PDE3A: variants seen among roughly 807,000 people sequenced by gnomAD.
PDE3A encodes phosphodiesterase 3A, also known as cGMP-inhibited 3',5'-cyclic phosphodiesterase 3A.
In PDE3A, 43 loss-of-function variants were observed where a neutral mutation model predicts 98.3. The observed-to-expected ratio is 0.44, with a 90% CI of 0.34 to 0.56. The LOEUF is 0.56. Ranked by LOEUF, PDE3A falls within the 20% of genes least tolerant of loss-of-function variation. The pLI, the probability that PDE3A is intolerant of heterozygous loss-of-function variation, is 0.01. For missense variants in PDE3A, 1,427 were observed against 1,440.7 expected (o/e 0.99, Z 0.15); for synonymous variants, 663 against 567.9 (o/e 1.17, Z -2.38).
chr12:20,664,365 TTC>T (rs1945254963), intron 15 of PDE3A, among the ~76,000 whole-genome samples: 1 of 152,176 alleles, frequency 6.6e-6, no homozygotes, highest in South Asian at 2.1e-4. Flanking sequence ...TTAAATGATA[TTC>T]TGGTTGCTTG....
At chr12:20,634,827 T>C (rs570178772) in intron 7 of PDE3A, 75 bp from the exon 8 acceptor site, 1 of 1,019,534 alleles carries the variant, frequency 9.8e-7, no homozygotes. Context: ...CATATGCATC[T>C]TAGCAAAATT....
chr12:20,602,646 A>G (rs1943619099), intron 2 of PDE3A, among the ~76,000 whole-genome samples: 1 of 152,194 alleles, frequency 6.6e-6, no homozygotes, highest in African/African-American at 2.4e-5. Context: ...CATGTTGGGA[A>G]GCAGTTTGAT....
chr12:20,579,334 GTTC>G lies in PDE3A; in HGVS notation c.1011+22629_1011+22631del, dbSNP rs559574154. Among the ~76,000 whole-genome samples the G allele has an allele frequency of 6.0e-4, 92 of 152,170 alleles. 5 individuals are homozygous for G. The South Asian group carries it at 0.018, about 31-fold the overall frequency. The stretch of plus-strand genomic sequence containing the variant: ...CATTTTTAGCTCAGTGCCCTTCCCA[GTTC>G]TTCTCCTATTTAAGAAGGGAAAGCA... On this transcript the variant is annotated intron_variant, in intron 2 of 15. Coordinates refer to ENST00000359062, the MANE Select transcript of PDE3A (RefSeq NM_000921.5).
intron 5 of PDE3A, among the ~76,000 whole-genome samples, chr12:20,622,636 T>A (rs1412739820): frequency 6.6e-6 from 1 of 152,128 alleles, no homozygotes; most frequent in African/African-American, 2.4e-5. Context: ...AGGCAAATAC[T>A]TAAATTGAGA....
intron 1 of PDE3A, among the ~76,000 whole-genome samples, chr12:20,481,764 A>ATTTTTTTTTTTTTTTTTTTTTTTTTTT (rs10657239): frequency 1.3e-5 from 1 of 79,584 alleles, no homozygotes; most frequent in African/African-American, 5.2e-5. Context: ...TGGGAAATAG[A>ATTTTTTTTTTTTTTTTTTTTTTTTTTT]TTTTTTTTTT....
At chr12:20,449,396 T>C (rs1452892233) in intron 1 of PDE3A, among the ~76,000 whole-genome samples, 1 of 152,226 alleles carries the variant, frequency 6.6e-6, no homozygotes, top group African/African-American at 2.4e-5. Context: ...GTTTGTTTCA[T>C]TTACAGACAT....
At chr12:20,525,063 C>T (rs1005733813) in intron 1 of PDE3A, among the ~76,000 whole-genome samples, 2 of 151,916 alleles carry the variant, frequency 1.3e-5, no homozygotes, top group Non-Finnish European at 2.9e-5. Flanking sequence ...ACCCAGGAGG[C>T]GGAGGTTGTG....
chr12:20,433,604 CAAGTT>C (rs1466248264), intron 1 of PDE3A, among the ~76,000 whole-genome samples: 1 of 151,936 alleles, frequency 6.6e-6, no homozygotes, highest in African/African-American at 2.4e-5. Context: ...ATTCAAGACT[CAAGTT>C]AACTTTTAAT....
rs559540133 is a variant in PDE3A at position 20,598,628 on chromosome 12, A to G, written c.1012-14815A>G. Among the ~76,000 whole-genome samples the G allele has an allele frequency of 6.6e-5, 10 of 152,352 alleles. 1 individual carries two copies. The highest frequency in any genetic ancestry group is 1.2e-4 in the African/African-American group (5 of 41,588). The stretch of plus-strand genomic sequence containing the variant: ...ACATTTTCTTAGTTGGTCAGACACA[A>G]TATAGATTTTATTAACTCACAAGTG... On this transcript the variant is annotated intron_variant, in intron 2 of 15. Coordinates refer to ENST00000359062, the MANE Select transcript of PDE3A (RefSeq NM_000921.5).
intron 2 of PDE3A, among the ~76,000 whole-genome samples, chr12:20,558,191 C>T (rs1402031467): frequency 6.9e-6 from 1 of 144,146 alleles, no homozygotes; most frequent in Non-Finnish European, 1.5e-5. Context: ...GTCACTATGT[C>T]AATATAAATT....
chr12:20,576,225 T>A (rs1942930492), intron 2 of PDE3A, among the ~76,000 whole-genome samples: 1 of 152,082 alleles, frequency 6.6e-6, no homozygotes, highest in Non-Finnish European at 1.5e-5. Context: ...ATAAAATGAA[T>A]ACTATTGAGA....
chr12:20,644,338 A>T (rs574513129), intron 10 of PDE3A, among the ~76,000 whole-genome samples: 2 of 152,318 alleles, frequency 1.3e-5, no homozygotes, highest in South Asian at 2.1e-4. Flanking sequence ...TGTTTACACA[A>T]ATTACAAATT....
chr12:20,562,307 G>A (rs976794216), intron 2 of PDE3A, among the ~76,000 whole-genome samples: 1 of 145,528 alleles, frequency 6.9e-6, no homozygotes, highest in African/African-American at 2.5e-5. Flanking sequence ...CGCAACCTCT[G>A]CCTCCCTGGT....
At chr12:20,666,003 A>T (rs1280371205) in intron 15 of PDE3A, among the ~76,000 whole-genome samples, 1 of 122,612 alleles carries the variant, frequency 8.2e-6, no homozygotes, top group Non-Finnish European at 1.6e-5. Flanking sequence ...TCAGTCTGTC[A>T]CCCAGTCTGG....
intron 12 of PDE3A, among the ~76,000 whole-genome samples, chr12:20,647,813 C>A (rs1052475256): frequency 1.3e-5 from 2 of 152,012 alleles, no homozygotes; most frequent in South Asian, 4.2e-4. Flanking sequence ...GTCTTTCATA[C>A]ACCAGAATTA....
rs562986540 is a variant in PDE3A at position 20,399,185 on chromosome 12, A to G, written c.960+28941A>G. The stretch of plus-strand genomic sequence containing the variant: ...TTTTAAGGCTGAATAATATTCCATT[A>G]TATACGTATGCCATATTTTGTTTAT... On this transcript the variant is annotated intron_variant, in intron 1 of 15. Transcript: ENST00000359062. Among the ~76,000 whole-genome samples the G allele has an allele frequency of 3.6e-4, 55 of 152,286 alleles. 1 individual carries two copies. Among genetic ancestry groups the G allele is most frequent in the African/African-American group, 1.3e-3 (54 of 41,574 alleles).
intron 13 of PDE3A, 100 bp downstream of exon 13, chr12:20,648,991 T>C: frequency 1.4e-6 from 1 of 734,120 alleles, no homozygotes; most frequent in Non-Finnish European, 2.2e-6. Context: ...AGTGGCACGA[T>C]CTTGGCTCAC....
At chr12:20,553,672 C>T (rs979983713) in intron 1 of PDE3A, among the ~76,000 whole-genome samples, 19 of 152,128 alleles carry the variant, frequency 1.2e-4, no homozygotes, top group African/African-American at 3.9e-4. Flanking sequence ...GTTGGGGCCA[C>T]GCAGAAATGG....
intron 1 of PDE3A, chr12:20,449,841 A>C: frequency 1.7e-6 from 1 of 576,064 alleles, no homozygotes. Flanking sequence ...ATTTACTGGC[A>C]GAGAGACCTG....
Sources: gnomAD v4.1 joint callset for allele counts (sites outside exome capture counted in the v4.1 genomes callset) on GRCh38, gnomAD v4.1.1 for gene constraint, MANE v1.5 for transcripts, NCBI Gene and HGNC (gene_info 2026-07-23, HGNC 2026-07-21) for gene names.